The following THSD4 variants were observed in gnomAD, a reference collection of about 807,000 sequenced individuals.
THSD4 encodes the protein thrombospondin type 1 domain containing 4, also known as thrombospondin type-1 domain-containing protein 4.
THSD4 carries 69 observed loss-of-function variants against 119.0 expected under a neutral mutation model. The ratio of observed to expected loss-of-function variants is 0.58; its 90% CI spans 0.48 to 0.71. The LOEUF is 0.71. THSD4 is among the 30% of genes least tolerant of loss of function. The probability of loss-of-function intolerance (pLI) is 0.00; values close to 1 mark genes in which losing one functional copy is unlikely to be tolerated. For missense variants in THSD4, 1,393 were observed against 1,391.1 expected, an observed-to-expected ratio of 1.00 and a Z score of -0.02; for synonymous variants, 524 against 540.4, an observed-to-expected ratio of 0.97 and a Z score of 0.42.
chr15:71,701,798 G>C (rs2052294402), intron 8 of THSD4, among the ~76,000 whole-genome samples: 1 of 152,084 alleles, frequency 6.6e-6, no homozygotes, highest in South Asian at 2.1e-4. Context: ...TGTTAAAAGT[G>C]GTTATCCTTG....
intron 7 of THSD4, among the ~76,000 whole-genome samples, chr15:71,615,894 C>G (rs2050311384): frequency 6.6e-6 from 1 of 152,172 alleles, no homozygotes. Flanking sequence ...TGAATATGTT[C>G]TCAGAGGCAT....
At chr15:71,539,403 CTG>C (rs541663167) in intron 7 of THSD4, among the ~76,000 whole-genome samples, 218 of 152,338 alleles carry the variant, frequency 1.4e-3, no homozygotes, top group Non-Finnish European at 2.6e-3. Flanking sequence ...ATATGGACCT[CTG>C]TGGAGAAACC....
chr15:71,554,250 C>T (rs371482930), intron 7 of THSD4, among the ~76,000 whole-genome samples: 5 of 150,832 alleles, frequency 3.3e-5, no homozygotes, highest in South Asian at 4.2e-4. Context: ...CCGCCATGCC[C>T]GGCTAATTTT....
At chr15:71,534,580 A>G (rs4777407) in intron 7 of THSD4, among the ~76,000 whole-genome samples, 42,066 of 152,188 alleles carry the variant, frequency 0.28, 6,588 homozygotes, top group East Asian at 0.63. Flanking sequence ...TGTAAAAACA[A>G]TTAGAAAATA....
At chr15:71,324,224 T>G (rs925808635) in intron 6 of THSD4, among the ~76,000 whole-genome samples, 17 of 152,144 alleles carry the variant, frequency 1.1e-4, no homozygotes, top group Non-Finnish European at 1.6e-4. Context: ...AACAAACGTT[T>G]GGCCCTTTGA....
intron 7 of THSD4, among the ~76,000 whole-genome samples, chr15:71,561,896 ACAC>A (rs2049124713): frequency 9.9e-6 from 1 of 101,230 alleles, no homozygotes; most frequent in Non-Finnish European, 2.0e-5. Flanking sequence ...ACACACACAC[ACAC>A]ACACACACAC....
At chr15:71,443,140 A>G (rs143753391) in intron 7 of THSD4, among the ~76,000 whole-genome samples, 51 of 152,348 alleles carry the variant, frequency 3.3e-4, no homozygotes, top group East Asian at 3.9e-4. Context: ...TGAAGGGTAC[A>G]TGAATGTTGG....
chr15:71,490,476 C>T (rs2047899517), intron 7 of THSD4, among the ~76,000 whole-genome samples: 2 of 147,842 alleles, frequency 1.4e-5, no homozygotes, highest in African/African-American at 2.5e-5. Flanking sequence ...AGGAGAATGG[C>T]GTGAACCCAG....
intron 5 of THSD4, among the ~76,000 whole-genome samples, chr15:71,255,617 T>G (rs1485263315): frequency 1.3e-5 from 2 of 152,190 alleles, no homozygotes; most frequent in Non-Finnish European, 2.9e-5. Flanking sequence ...AAATTCCTGC[T>G]TCATGTGGGA....
At chr15:71,703,689 C>T (rs1448768883) in intron 8 of THSD4, among the ~76,000 whole-genome samples, 1 of 152,178 alleles carries the variant, frequency 6.6e-6, no homozygotes, top group Non-Finnish European at 1.5e-5. Flanking sequence ...GGTTCTACCA[C>T]AGCCTGGGGT....
chr15:71,296,939 A>G (rs1371236525), intron 6 of THSD4, among the ~76,000 whole-genome samples: 2 of 152,144 alleles, frequency 1.3e-5, no homozygotes, highest in Non-Finnish European at 2.9e-5. Flanking sequence ...ATTAAATGAG[A>G]TAACCTGTGA....
intron 8 of THSD4, among the ~76,000 whole-genome samples, chr15:71,664,566 C>T (rs1054952911): frequency 7.2e-5 from 11 of 152,182 alleles, no homozygotes; most frequent in Non-Finnish European, 1.3e-4. Flanking sequence ...GGTAAAATCA[C>T]GTCACTGGGG....
In THSD4 at chr15:71,728,600, A is replaced by C; in HGVS notation, c.1409A>C (p.Asp470Ala). 1.2e-6 allele frequency: 2 copies of C among 1,614,180 alleles called. No homozygotes were observed. Among genetic ancestry groups the C allele is most frequent in the Non-Finnish European group, 1.7e-6 (2 of 1,180,042 alleles). The change falls in exon 9 of 18, where the codon GAT becomes GCT. Residue 470 changes from aspartate (D) to alanine (A), a missense_variant. Coordinates refer to ENST00000261862, the MANE Select transcript of THSD4 (RefSeq NM_024817.3). ...ATCATCAATGGGAACTGGGCAATTG[A>C]TCGACCAGGAAAATACGAGGGCGGA... ...RSIINGNWAI[D>A]RPGKYEGGGT...
intron 7 of THSD4, among the ~76,000 whole-genome samples, chr15:71,436,466 A>C (rs1421840769): frequency 1.3e-5 from 2 of 152,130 alleles, no homozygotes; most frequent in East Asian, 3.8e-4. Flanking sequence ...CACCTACTTA[A>C]CCAGATTTCA....
chr15:71,109,961 T>G (rs2040291716), intron 1 of THSD4, among the ~76,000 whole-genome samples: 1 of 152,184 alleles, frequency 6.6e-6, no homozygotes, highest in Admixed American at 6.5e-5. Flanking sequence ...ATGCCCTATC[T>G]CTGAGATTTT....
At chr15:71,122,219 G>A (rs900563842) in intron 1 of THSD4, among the ~76,000 whole-genome samples, 5 of 152,226 alleles carry the variant, frequency 3.3e-5, no homozygotes, top group African/African-American at 4.8e-5. Context: ...ACAGAGCTCC[G>A]TGTCAGGTAC....
intron 7 of THSD4, among the ~76,000 whole-genome samples, chr15:71,551,540 T>C (rs2048928177): frequency 6.6e-6 from 1 of 152,140 alleles, no homozygotes; most frequent in African/African-American, 2.4e-5. Flanking sequence ...TTAGCATACA[T>C]TGGCAATCAC....
intron 6 of THSD4, among the ~76,000 whole-genome samples, chr15:71,298,608 C>CT (rs60709646): frequency 0.051 from 4,646 of 90,222 alleles, 221 homozygotes; most frequent in Non-Finnish European, 0.078. Context: ...TATGTGCTGA[C>CT]TTTTTTTTTT....
intron 4 of THSD4, among the ~76,000 whole-genome samples, chr15:71,230,684 G>A (rs1336580983): frequency 1.3e-5 from 2 of 152,162 alleles, no homozygotes; most frequent in African/African-American, 4.8e-5. Context: ...ACCATCCTAT[G>A]TTACCACCTC....
Sources: allele counts gnomAD v4.1 joint callset (sites outside exome capture counted in the v4.1 genomes callset), GRCh38; gene constraint gnomAD v4.1.1; transcripts MANE v1.5; gene names NCBI Gene and HGNC (gene_info 2026-07-23, HGNC 2026-07-21).